SBNO1: variants seen among roughly 807,000 people sequenced by gnomAD.
The protein encoded by SBNO1 is protein strawberry notch homolog 1.
In SBNO1, 23 loss-of-function variants were observed where a neutral mutation model predicts 173.6. The observed-to-expected ratio is 0.13, with a 90% CI of 0.10 to 0.19. The LOEUF (loss-of-function observed/expected upper bound fraction) is 0.19, where lower values mean the gene tolerates loss of function less well. Among genes scored for constraint, SBNO1 ranks in the 10% least tolerant of loss-of-function variants. SBNO1 has a pLI of 1.00. For synonymous variants in SBNO1, 632 were observed against 571.5 expected, an observed-to-expected ratio of 1.11 and a Z score of -1.51; for missense variants, 1,238 against 1,671.2, an observed-to-expected ratio of 0.74 and a Z score of 4.52.
At chr12:123,311,720 C>CTATATATATATATA (rs56718635) in intron 24 of SBNO1, among the ~76,000 whole-genome samples, 29 of 127,436 alleles carry the variant, frequency 2.3e-4, no homozygotes, top group African/African-American at 7.9e-4. Context: ...ATCTATCTAT[C>CTATATATATATATA]TATATATATA....
chr12:123,306,275 T>C (rs1026529608), intron 28 of SBNO1, among the ~76,000 whole-genome samples: 2 of 152,200 alleles, frequency 1.3e-5, no homozygotes, highest in African/African-American at 4.8e-5. Context: ...TAATTATACA[T>C]CATCACAGAA....
chr12:123,290,525 C>T lies in SBNO1; in HGVS notation c.*5383G>A, dbSNP rs1373874152. The T allele has an allele frequency of 6.6e-6, 1 of 152,092 alleles. No homozygotes were observed. Among genetic ancestry groups the T allele is most frequent in the African/African-American group, 2.4e-5 (1 of 41,416 alleles). 9.4% of individuals were successfully genotyped at this position (152,092 alleles called of 1,614,324 possible). A position where few individuals can be genotyped will look rare whatever the true frequency, so the allele number is the denominator to read the frequency against. On this transcript the variant is annotated 3_prime_UTR_variant, in exon 32 of 32. Coordinates refer to ENST00000602398, the MANE Select transcript of SBNO1 (RefSeq NM_001167856.3). ...TCCCAACTCGAATTATTAAAAACGC[C>T]TCGATCCCGCTCTGCTTCTAGGCTT...
chr12:123,314,028 G>T (rs911901806), intron 23 of SBNO1, among the ~76,000 whole-genome samples: 2 of 151,942 alleles, frequency 1.3e-5, no homozygotes, highest in Non-Finnish European at 2.9e-5. Flanking sequence ...AGGTTGTAGT[G>T]AGCCGAGATG....
At chr12:123,302,780 A>T in intron 30 of SBNO1, 44 bp downstream of exon 30, 1 of 1,262,796 alleles carries the variant, frequency 7.9e-7, no homozygotes, top group Non-Finnish European at 1.2e-6. Flanking sequence ...TTTAAATCTC[A>T]ATTAAATTTT....
chr12:123,306,954 G>A (rs2048930289), intron 28 of SBNO1, among the ~76,000 whole-genome samples: 1 of 150,290 alleles, frequency 6.7e-6, no homozygotes. Flanking sequence ...AGGCCGAGGT[G>A]GGAGGATCAT....
At chr12:123,307,020 TA>T (rs34105162) in intron 28 of SBNO1, among the ~76,000 whole-genome samples, 650 of 64,418 alleles carry the variant, frequency 0.01, 6 homozygotes, top group African/African-American at 0.033. Context: ...TCAACTGCAT[TA>T]AAAAAAAAAA....
rs758503812 is a variant in SBNO1, at chr12:123,340,993, T to C, written c.646A>G (p.Thr216Ala). 1.0e-5 allele frequency: 16 copies of C among 1,565,568 alleles called. No individual in the cohort carries two copies. Among genetic ancestry groups the C allele is most frequent in the Admixed American group, 3.5e-5 (2 of 57,064 alleles). ...NDMKMRSFSP[T>A]MKVPVVKEDD... ...CACAGTTATTTGAAACTCACCATGG[T>C]TGGGGAAAAACTCCTCATCTTCATG... The change falls in exon 5 of 32, where the codon ACC (threonine) becomes GCC (alanine). Residue 216 changes from threonine (T) to alanine (A), a missense_variant. Physicochemically the swap from Thr to Ala is moderately conservative, Grantham distance 58. Coordinates refer to ENST00000602398, the MANE Select transcript of SBNO1 (RefSeq NM_001167856.3).
At chr12:123,342,526 T>C (rs1057415657) in intron 4 of SBNO1, among the ~76,000 whole-genome samples, 8 of 152,220 alleles carry the variant, frequency 5.3e-5, no homozygotes, top group African/African-American at 1.9e-4. Flanking sequence ...CTGGTGGTAC[T>C]TACTAATTTT....
At chr12:123,311,718 ATC>A (rs1170234374) in intron 24 of SBNO1, among the ~76,000 whole-genome samples, 885 of 54,808 alleles carry the variant, frequency 0.016, 2 homozygotes, top group African/African-American at 0.025. Context: ...CTATCTATCT[ATC>A]TATATATATA....
At chr12:123,330,613 A>C in intron 8 of SBNO1, 104 bp from the exon 9 acceptor site, 1 of 592,160 alleles carries the variant, frequency 1.7e-6, no homozygotes, top group South Asian at 2.1e-5. Flanking sequence ...AAAAAAAAAA[A>C]AAAGAAAAAG....
At chr12:123,327,185 A>AT (rs1456808425) in intron 13 of SBNO1, among the ~76,000 whole-genome samples, 2 of 151,550 alleles carry the variant, frequency 1.3e-5, no homozygotes, top group African/African-American at 4.8e-5. Context: ...TTTTTTTCGT[A>AT]TTTTTAGTAG....
intron 23 of SBNO1, 106 bp from the exon 24 acceptor site, chr12:123,313,825 A>C: frequency 1.1e-5 from 7 of 646,234 alleles, no homozygotes; most frequent in Non-Finnish European, 1.9e-5. Flanking sequence ...GCGGTGGCTC[A>C]TGCCTGTAAT....
At chr12:123,305,192 T>A (rs368990030) in intron 28 of SBNO1, among the ~76,000 whole-genome samples, 2 of 152,230 alleles carry the variant, frequency 1.3e-5, no homozygotes. Flanking sequence ...AAAAGAAATG[T>A]TACTCTCCTT....
In SBNO1 at chr12:123,291,446, G is replaced by A. The variant is rs555160134; in HGVS notation, c.*4462C>T. ...CATTTTTTAAAATGTGAAAACATCA[G>A]GCTCACTATAGCTTCCAAAGAACAA... is the stretch of plus-strand genomic sequence containing the variant. On this transcript the variant is annotated 3_prime_UTR_variant, in exon 32 of 32. Transcript: ENST00000602398. The A allele has an allele frequency of 6.6e-6, 1 of 152,222 alleles. No homozygotes were observed. The highest frequency in any genetic ancestry group is 2.4e-5 in the African/African-American group (1 of 41,544). 9.4% of individuals were successfully genotyped at this position (152,222 alleles called of 1,614,324 possible). A position where few individuals can be genotyped will look rare whatever the true frequency, so the allele number is the denominator to read the frequency against.
At chr12:123,308,355 G>A (rs967347398) in intron 28 of SBNO1, among the ~76,000 whole-genome samples, 2 of 152,050 alleles carry the variant, frequency 1.3e-5, no homozygotes, top group African/African-American at 4.8e-5. Flanking sequence ...GTAAGTCTCT[G>A]TCTTATGAAA....
chr12:123,316,692 CTT>C (rs1231580080), intron 21 of SBNO1, among the ~76,000 whole-genome samples: 2 of 139,456 alleles, frequency 1.4e-5, no homozygotes, highest in East Asian at 4.8e-4. Flanking sequence ...GCAAGTTTTT[CTT>C]TTCTTCTTCT....
chr12:123,296,171 A>T, intron 31 of SBNO1, 121 bp from the exon 32 acceptor site: 2 of 619,002 alleles, frequency 3.2e-6, no homozygotes, highest in Non-Finnish European at 5.8e-6. Context: ...TCACACAAAA[A>T]TTAAACGACT....
chr12:123,345,538 C>T lies in SBNO1; in HGVS notation c.270G>A (p.Leu90=), dbSNP rs1485239611. The T allele has an allele frequency of 1.2e-6, 2 of 1,613,986 alleles. No homozygotes were observed. Among genetic ancestry groups the T allele is most frequent in the Admixed American group, 3.3e-5 (2 of 59,972 alleles). Residue 90 remains leucine (L), a synonymous_variant, in exon 4 of 32, where the codon CTG becomes CTA. Transcript: ENST00000602398. Reference sequence around the variant, plus strand: ...AGGGTGGAAGATGATTTATTTGATTCAGCACAAATGTTGTAGTAGATGGAG... The same window carrying T: ...AGGGTGGAAGATGATTTATTTGATTTAGCACAAATGTTGTAGTAGATGGAG... ...QQPPSTTTFV[L]NQINHLPPLG... is the part of the protein sequence containing the mutation.
chr12:123,364,810 T>A lies in SBNO1; in HGVS notation c.-110A>T. The stretch of plus-strand genomic sequence containing the variant: ...GGTGGCGGCGGCAGCAGCGGCGTCC[T>A]GCTCTGCCTACCTCCCCGCCGCCAT... On this transcript the variant is annotated 5_prime_UTR_variant, in exon 1 of 32. Transcript: ENST00000602398. 1 of 982,274 alleles carries A rather than the reference T, an allele frequency of 1.0e-6. No homozygotes were observed. Among genetic ancestry groups the A allele is most frequent in the Non-Finnish European group, 1.2e-6 (1 of 826,738 alleles). The allele number at this position is 982,274 out of a possible 1,614,324, so 60.8% of individuals were successfully genotyped here.
Sources: gnomAD v4.1 joint callset for allele counts (sites outside exome capture counted in the v4.1 genomes callset) on GRCh38, gnomAD v4.1.1 for gene constraint, MANE v1.5 for transcripts, NCBI Gene and HGNC (gene_info 2026-07-23, HGNC 2026-07-21) for gene names.